The following ZBTB10 variants were observed in gnomAD, a reference collection of about 807,000 sequenced individuals.
ZBTB10 encodes zinc finger and BTB domain containing 10.
A neutral mutation model predicts 76.4 loss-of-function variants in ZBTB10; 32 were observed. The ratio of observed to expected loss-of-function variants is 0.42; its 90% CI spans 0.32 to 0.56. ZBTB10 has a LOEUF of 0.56. ZBTB10 is among the 20% of genes least tolerant of loss of function. ZBTB10 has a pLI of 0.14. For synonymous variants in ZBTB10, 523 were observed against 432.9 expected (o/e 1.21, Z -2.58); for missense variants, 1,057 against 1,098.5 (o/e 0.96, Z 0.53).
At chr8:80,512,482 A>G (rs1007028626) in intron 2 of ZBTB10, among the ~76,000 whole-genome samples, 2 of 152,150 alleles carry the variant, frequency 1.3e-5, no homozygotes, top group Admixed American at 1.3e-4. Flanking sequence ...AGGCCAAGGC[A>G]GGAGGATTGC....
rs1285402869 is a variant in ZBTB10, at chr8:80,500,143, A to G, written c.1622A>G (p.Asp541Gly). 1 of 1,613,790 alleles carries G rather than the reference A, an allele frequency of 6.2e-7. No individual in the cohort carries two copies. The highest frequency in any genetic ancestry group is 8.5e-7 in the Non-Finnish European group (1 of 1,179,776). Residue 541 changes from aspartate to glycine, a missense_variant, in exon 2 of 6, where the codon GAT becomes GGT. Asp to Gly is a moderately conservative substitution (Grantham distance 94). Coordinates refer to ENST00000455036, the MANE Select transcript of ZBTB10 (RefSeq NM_001105539.3). ...ATGAATGACAGTAGTTGGGTCCAGG[A>G]TGGATCTCCTGAAATGGCTGAAAAT... ...YQMNDSSWVQDGSPEMAENES... is the reference protein window; with the variant it reads ...YQMNDSSWVQGGSPEMAENES...
rs187549807 is a variant in ZBTB10, at chr8:80,525,853, T to C, written c.*6325T>C. ...CAACTTTAAGGATTTTGCCTATTAG[T>C]ATCATATGGCATGTAGCTATCAAGC... is the stretch of plus-strand genomic sequence containing the variant. On this transcript the variant is annotated 3_prime_UTR_variant, in exon 6 of 6. Coordinates refer to ENST00000455036, the MANE Select transcript of ZBTB10 (RefSeq NM_001105539.3). 6.6e-6 allele frequency: 1 copy of C among 152,300 alleles called. No individual in the cohort carries two copies. The highest frequency in any genetic ancestry group is 6.5e-5 in the Admixed American group (1 of 15,276). The allele number at this position is 152,300 out of a possible 1,614,324, so 9.4% of individuals were successfully genotyped here. A position where few individuals can be genotyped will look rare whatever the true frequency, so the allele number is the denominator to read the frequency against.
chr8:80,493,207 G>GCACA (rs369440030), intron 1 of ZBTB10, among the ~76,000 whole-genome samples: 5,686 of 125,166 alleles, frequency 0.045, 151 homozygotes, highest in East Asian at 0.061. Flanking sequence ...GCGCGCGCGC[G>GCACA]CACACACACA....
chr8:80,518,711 A>C, intron 4 of ZBTB10, 71 bp from the exon 5 acceptor site: 1 of 1,501,654 alleles, frequency 6.7e-7, no homozygotes, highest in African/African-American at 1.4e-5. Flanking sequence ...AGAGATAGAG[A>C]TAAGAAGTTT....
chr8:80,500,370 A>G lies in ZBTB10; in HGVS notation c.1849A>G (p.Lys617Glu). 6.4e-7 allele frequency: 1 copy of G among 1,561,656 alleles called. No individual in the cohort carries two copies. Among genetic ancestry groups the G allele is most frequent in the Non-Finnish European group, 8.7e-7 (1 of 1,155,988 alleles). Residue 617 changes from lysine to glutamate, a missense_variant, in exon 2 of 6, where the codon AAG becomes GAG. Around this residue, in one of 5 missense-constraint regions of ZBTB10, gnomAD observed 306 missense variants for 297.5 expected, o/e 1.03. Transcript: ENST00000455036. Reference sequence around the variant, plus strand: ...TCCAGAAGAAAATACACTACTCATCAAGGAAGAACCAGGTAAATATTATCT... The same window carrying G: ...TCCAGAAGAAAATACACTACTCATCGAGGAAGAACCAGGTAAATATTATCT... ...AYPEENTLLI[K>E]EEPDLDGALL...
chr8:80,519,662 T>G lies in ZBTB10; in HGVS notation c.*134T>G. 8.9e-7 allele frequency: 1 copy of G among 1,118,180 alleles called. No individual in the cohort carries two copies. 69.3% of individuals were successfully genotyped at this position (1,118,180 alleles called of 1,614,324 possible). Reference sequence around the variant, plus strand: ...TTATGTTGCTGTGAAAACTGTAGGGTCAAAGCCTTATAGCAAAAAAAATTT... The same window carrying G: ...TTATGTTGCTGTGAAAACTGTAGGGGCAAAGCCTTATAGCAAAAAAAATTT... On this transcript the variant is annotated 3_prime_UTR_variant, in exon 6 of 6. Transcript: ENST00000455036.
At chr8:80,494,321 C>T (rs1020356712) in intron 1 of ZBTB10, among the ~76,000 whole-genome samples, 72 of 152,160 alleles carry the variant, frequency 4.7e-4, no homozygotes, top group African/African-American at 1.7e-3. Context: ...AACGGATTGA[C>T]TACAGGTGTG....
chr8:80,516,253 T>C (rs1816323198), intron 3 of ZBTB10, among the ~76,000 whole-genome samples: 3 of 152,206 alleles, frequency 2.0e-5, no homozygotes, highest in Admixed American at 2.0e-4. Flanking sequence ...GTGAATAATA[T>C]TTAATTGTAG....
At chr8:80,498,018 C>T (rs1045196183) in intron 1 of ZBTB10, among the ~76,000 whole-genome samples, 1 of 152,116 alleles carries the variant, frequency 6.6e-6, no homozygotes, top group African/African-American at 2.4e-5. Context: ...GGGAGCAGCA[C>T]TATAATTTTT....
At chr8:80,507,852 A>C (rs1280167719) in intron 2 of ZBTB10, among the ~76,000 whole-genome samples, 1 of 152,176 alleles carries the variant, frequency 6.6e-6, no homozygotes, top group Non-Finnish European at 1.5e-5. Flanking sequence ...CTCCTGCCTC[A>C]GCCTCCCAGA....
upstream of ZBTB10, chr8:80,485,694 C>A: frequency 8.1e-7 from 1 of 1,239,792 alleles, no homozygotes; most frequent in Non-Finnish European, 1.1e-6. Context: ...TGGTCGTAAC[C>A]TCTTCGCGTG....
chr8:80,523,950 T>A lies in ZBTB10; in HGVS notation c.*4422T>A, dbSNP rs1816499777. 1 of 152,062 alleles carries A rather than the reference T, an allele frequency of 6.6e-6. No individual in the cohort carries two copies. Among genetic ancestry groups the A allele is most frequent in the South Asian group, 2.1e-4 (1 of 4,828 alleles). The allele number at this position is 152,062 out of a possible 1,614,324, so 9.4% of individuals were successfully genotyped here. A position where few individuals can be genotyped will look rare whatever the true frequency, so the allele number is the denominator to read the frequency against. ...GTAAATTACCTACCTAATATAAGTG[T>A]CCTAAGACATGTATGTAAACTTCCG... is the stretch of plus-strand genomic sequence containing the variant. On this transcript the variant is annotated 3_prime_UTR_variant, in exon 6 of 6. Coordinates refer to ENST00000455036, the MANE Select transcript of ZBTB10 (RefSeq NM_001105539.3).
At position 80,486,887 on chromosome 8, in the gene ZBTB10, C is replaced by T. The variant is rs1815477686; in HGVS notation, c.77C>T (p.Ser26Phe). 7 of 1,511,708 alleles carry T rather than the reference C, an allele frequency of 4.6e-6. No homozygotes were observed. Among genetic ancestry groups the T allele is most frequent in the African/African-American group, 2.9e-5 (2 of 68,404 alleles). 93.6% of individuals were successfully genotyped at this position (1,511,708 alleles called of 1,614,324 possible). The change falls in exon 1 of 6, where the codon TCC becomes TTC. Residue 26 changes from serine to phenylalanine, a missense_variant. Ser to Phe is a radical substitution (Grantham distance 155). This residue lies in a region of ZBTB10 where 556 missense variants were observed against 451.7 expected (regional missense o/e 1.23). Transcript: ENST00000455036. ...TTGGTCACCGCTAGCGGCGGCGGCT[C>T]CACGAACAATAACGCTGGCGGGGAG... The part of the protein sequence containing the change: ...GGLVTASGGG[S>F]TNNNAGGEAS...
At chr8:80,493,207 G>GCGCGCGCGCGCACACACA (rs375071529) in intron 1 of ZBTB10, among the ~76,000 whole-genome samples, 6 of 125,244 alleles carry the variant, frequency 4.8e-5, no homozygotes, top group South Asian at 2.9e-4. Context: ...GCGCGCGCGC[G>GCGCGCGCGCGCACACACA]CACACACACA....
At chr8:80,505,035 A>T (rs1180788200) in intron 2 of ZBTB10, among the ~76,000 whole-genome samples, 1 of 152,198 alleles carries the variant, frequency 6.6e-6, no homozygotes, top group Admixed American at 6.5e-5. Context: ...TCATACTAGC[A>T]ACTTCTACCT....
At position 80,487,779 on chromosome 8, in the gene ZBTB10, C is replaced by T. The variant is rs1815516922; in HGVS notation, c.969C>T (p.Ala323=). ...AGCACAAACTCCACGAAGCCAACGC[C>T]CAGGTACAGTATATCCTGCTCCTAC... is the stretch of plus-strand genomic sequence containing the variant. ...STEHKLHEAN[A]QESEIPSEEG... Residue 323 remains alanine, a synonymous_variant, in exon 1 of 6, where the codon GCC becomes GCT. Transcript: ENST00000455036. 6.3e-7 allele frequency: 1 copy of T among 1,590,980 alleles called. No individual in the cohort carries two copies.
rs562071172 is a variant in ZBTB10 at position 80,490,758 on chromosome 8, AT to A, written c.972+2980del. On this transcript the variant is annotated intron_variant, in intron 1 of 5. Coordinates refer to ENST00000455036, the MANE Select transcript of ZBTB10 (RefSeq NM_001105539.3). ...TTGAGTCTAGGAGTACTAAACTCCT[AT>A]TTTCCCAATTATTTCTCAAAGAGTC... Among the ~76,000 whole-genome samples the A allele has an allele frequency of 4.6e-5, 7 of 152,284 alleles. No homozygotes were observed. The South Asian group carries it at 1.4e-3, about 32-fold the overall frequency.
At chr8:80,508,472 A>G (rs961615021) in intron 2 of ZBTB10, among the ~76,000 whole-genome samples, 2 of 152,222 alleles carry the variant, frequency 1.3e-5, no homozygotes, top group Non-Finnish European at 2.9e-5. Context: ...TAATGTCAAG[A>G]TTGAGGAGTC....
Position 80,518,881 on chromosome 8 carries a change from G to A in ZBTB10, c.2237G>A (p.Gly746Glu). The A allele has an allele frequency of 6.2e-7, 1 of 1,611,448 alleles. No homozygotes were observed. The change falls in exon 5 of 6, where the codon GGA (glycine) becomes GAA (glutamate). Residue 746 changes from glycine to glutamate, a missense_variant. Transcript: ENST00000455036. ...TLKRHLLIHT[G>E]VRSFSCDICG... ...AAAAGGCACTTGCTCATTCACACAG[G>A]AGTGAGATCATTTAGCTGTGATATT...
Sources: gnomAD v4.1 joint callset for allele counts (sites outside exome capture counted in the v4.1 genomes callset) on GRCh38, gnomAD v4.1.1 for gene constraint, gnomAD v4.1.1 regional missense constraint, MANE v1.5 for transcripts, NCBI Gene and HGNC (gene_info 2026-07-23, HGNC 2026-07-21) for gene names.